Variants in CCBE1 observed in about 807,000 individuals in gnomAD.
CCBE1 encodes the protein collagen and calcium binding EGF domains 1, also known as collagen and calcium-binding EGF domain-containing protein 1.
Under a neutral mutation model 50.0 loss-of-function variants are expected in CCBE1, and 37 were observed. That is an observed-to-expected ratio of 0.74 (90% CI 0.57 to 0.97). CCBE1 has a LOEUF of 0.97. Ranked by LOEUF, CCBE1 falls within the 50% of genes least tolerant of loss-of-function variation. The pLI is 0.00. For synonymous variants in CCBE1, 234 were observed against 203.7 expected, an observed-to-expected ratio of 1.15 and a Z score of -1.27; for missense variants, 538 against 523.8, an observed-to-expected ratio of 1.03 and a Z score of -0.26.
At chr18:59,523,049 T>C (rs1453009356) in intron 2 of CCBE1, among the ~76,000 whole-genome samples, 3 of 144,108 alleles carry the variant, frequency 2.1e-5, no homozygotes, top group African/African-American at 7.8e-5. Flanking sequence ...TTGAACAAAA[T>C]GATATTCAAA....
chr18:59,631,167 T>C (rs953449978), intron 2 of CCBE1, among the ~76,000 whole-genome samples: 1 of 151,910 alleles, frequency 6.6e-6, no homozygotes, highest in Non-Finnish European at 1.5e-5. Flanking sequence ...CAAATATTGA[T>C]ATGTAGCTCA....
chr18:59,691,476 G>C (rs1262684315), intron 2 of CCBE1, among the ~76,000 whole-genome samples: 1 of 152,194 alleles, frequency 6.6e-6, no homozygotes, highest in Non-Finnish European at 1.5e-5. Flanking sequence ...CGTGATCTTG[G>C]CTCACCACAA....
chr18:59,637,719 CTG>C (rs1019082513), intron 2 of CCBE1, among the ~76,000 whole-genome samples: 1 of 152,096 alleles, frequency 6.6e-6, no homozygotes, highest in African/African-American at 2.4e-5. Context: ...AAATTTTAAA[CTG>C]TGATTTAAAA....
chr18:59,619,388 G>T (rs576222709), intron 2 of CCBE1, among the ~76,000 whole-genome samples: 1 of 152,214 alleles, frequency 6.6e-6, no homozygotes, highest in African/African-American at 2.4e-5. Flanking sequence ...GTACAATCAG[G>T]CCACACTACA....
intron 7 of CCBE1, among the ~76,000 whole-genome samples, chr18:59,444,353 G>A (rs1910578579): frequency 6.6e-6 from 1 of 152,042 alleles, no homozygotes; most frequent in African/African-American, 2.4e-5. Context: ...GCCTAGGCTG[G>A]CCTCGAACTC....
chr18:59,498,467 T>C (rs909980073), intron 2 of CCBE1, among the ~76,000 whole-genome samples: 1 of 152,216 alleles, frequency 6.6e-6, no homozygotes, highest in African/African-American at 2.4e-5. Flanking sequence ...GTCCATACCA[T>C]ATTGAGACTT....
At chr18:59,613,484 A>C (rs1215537165) in intron 2 of CCBE1, among the ~76,000 whole-genome samples, 1 of 152,248 alleles carries the variant, frequency 6.6e-6, no homozygotes, top group Admixed American at 6.5e-5. Context: ...AGCAAATTTC[A>C]AACAATTATT....
intron 2 of CCBE1, among the ~76,000 whole-genome samples, chr18:59,638,721 CAT>C (rs2053946073): frequency 6.6e-6 from 1 of 152,228 alleles, no homozygotes; most frequent in Non-Finnish European, 1.5e-5. Flanking sequence ...AACACACACA[CAT>C]AGCCCAGATC....
chr18:59,604,776 G>T (rs1419438763), intron 2 of CCBE1, among the ~76,000 whole-genome samples: 1 of 152,212 alleles, frequency 6.6e-6, no homozygotes, highest in East Asian at 1.9e-4. Flanking sequence ...AACCTGAAAT[G>T]TACACTGTCT....
intron 2 of CCBE1, among the ~76,000 whole-genome samples, chr18:59,694,678 G>C (rs1394103883): frequency 6.6e-6 from 1 of 152,182 alleles, no homozygotes; most frequent in African/African-American, 2.4e-5. Flanking sequence ...AAAGGGCTAG[G>C]ACAATCAAGT....
chr18:59,650,062 G>A (rs926852381), intron 2 of CCBE1, among the ~76,000 whole-genome samples: 6 of 152,056 alleles, frequency 3.9e-5, no homozygotes, highest in Non-Finnish European at 7.4e-5. Context: ...TCCAAAGTCC[G>A]CTCTCCTTCC....
intron 3 of CCBE1, 37 bp downstream of exon 3, chr18:59,480,149 G>T (rs766525487): frequency 1.5e-6 from 2 of 1,294,104 alleles, no homozygotes; most frequent in Admixed American, 1.7e-5. Flanking sequence ...GATTAGTTGT[G>T]AATAAAGTCA....
At chr18:59,696,850 T>A in intron 1 of CCBE1, 141 bp from the exon 2 acceptor site, 1 of 932,638 alleles carries the variant, frequency 1.1e-6, no homozygotes, top group African/African-American at 1.6e-5. Flanking sequence ...CCCAAACGCG[T>A]ACGCGGGGCA....
intron 2 of CCBE1, among the ~76,000 whole-genome samples, chr18:59,682,504 C>A (rs889127996): frequency 6.6e-6 from 1 of 152,138 alleles, no homozygotes; most frequent in African/African-American, 2.4e-5. Context: ...AACAGAGACC[C>A]CCCCCTTTAG....
intron 2 of CCBE1, among the ~76,000 whole-genome samples, chr18:59,510,243 C>A (rs1453395467): frequency 1.3e-5 from 2 of 152,162 alleles, no homozygotes; most frequent in Admixed American, 6.5e-5. Flanking sequence ...CCATATTTCA[C>A]TGTGTGCATG....
intron 2 of CCBE1, among the ~76,000 whole-genome samples, chr18:59,647,189 T>TAAAAATACCCACATTAAGC (rs2054066390): frequency 3.9e-5 from 6 of 152,158 alleles, no homozygotes; most frequent in African/African-American, 1.4e-4. Flanking sequence ...CCACATTAAG[T>TAAAAATACCCACATTAAGC]AAAAATACCC....
At chr18:59,630,406 A>G (rs963420567) in intron 2 of CCBE1, among the ~76,000 whole-genome samples, 31 of 152,334 alleles carry the variant, frequency 2.0e-4, no homozygotes, top group African/African-American at 7.2e-4. Context: ...AAGCACTGGC[A>G]ATTTGCTCTA....
chr18:59,506,335 G>A (rs1435881386), intron 2 of CCBE1, among the ~76,000 whole-genome samples: 1 of 152,188 alleles, frequency 6.6e-6, no homozygotes, highest in Non-Finnish European at 1.5e-5. Context: ...CAACCCTGAG[G>A]ATACCTAGGT....
At position 59,434,024 on chromosome 18, in the gene CCBE1, G is replaced by C. The variant is rs986735023; in HGVS notation, c.*1884C>G. The C allele has an allele frequency of 4.6e-5, 7 of 150,830 alleles. No homozygotes were observed. Among genetic ancestry groups the C allele is most frequent in the Non-Finnish European group, 7.3e-5 (5 of 68,050 alleles). The allele number at this position is 150,830 out of a possible 1,614,324, so 9.3% of individuals were successfully genotyped here. A position where few individuals can be genotyped will look rare whatever the true frequency, so the allele number is the denominator to read the frequency against. Reference sequence around the variant, plus strand: ...CCTGCCTCAGCCTCCTGAGTAGCTGGGATTACAGGTGTGTGCCAACACGCC... The same window carrying C: ...CCTGCCTCAGCCTCCTGAGTAGCTGCGATTACAGGTGTGTGCCAACACGCC... On this transcript the variant is annotated 3_prime_UTR_variant, in exon 11 of 11. Transcript: ENST00000439986.
Sources: gnomAD v4.1 joint callset for allele counts (sites outside exome capture counted in the v4.1 genomes callset) on GRCh38, gnomAD v4.1.1 for gene constraint, MANE v1.5 for transcripts, NCBI Gene and HGNC (gene_info 2026-07-23, HGNC 2026-07-21) for gene names.